The following DNAH14 variants were observed in gnomAD, a reference collection of about 807,000 sequenced individuals.
DNAH14 encodes the protein dynein axonemal heavy chain 14.
A neutral mutation model predicts 520.9 loss-of-function variants in DNAH14; 478 were observed. The ratio of observed to expected loss-of-function variants is 0.92; its 90% CI spans 0.85 to 0.99. The LOEUF is 0.99. Among genes scored for constraint, DNAH14 ranks in the 50% least tolerant of loss-of-function variants. The pLI is 0.00. For missense variants in DNAH14, 4,831 were observed against 5,234.5 expected (o/e 0.92, Z 2.38); for synonymous variants, 1,581 against 1,757.2 (o/e 0.90, Z 2.51).
chr1:225,380,805 A>C (rs1002508020), intron 80 of DNAH14, among the ~76,000 whole-genome samples: 1 of 152,168 alleles, frequency 6.6e-6, no homozygotes, highest in African/African-American at 2.4e-5. Context: ...AGACTATGAT[A>C]ATTTTCCCAG....
chr1:224,986,675 C>T (rs1412129469), intron 8 of DNAH14, among the ~76,000 whole-genome samples: 4 of 152,058 alleles, frequency 2.6e-5, no homozygotes, highest in Non-Finnish European at 4.4e-5. Flanking sequence ...TGGAACATAC[C>T]TCAACATAAT....
Position 225,392,432 on chromosome 1 carries a change from T to G in DNAH14, c.13472T>G (p.Ile4491Arg). The G allele has an allele frequency of 1.3e-6, 2 of 1,551,846 alleles. No homozygotes were observed. Among genetic ancestry groups the G allele is most frequent in the Non-Finnish European group, 1.7e-6 (2 of 1,147,034 alleles). The change falls in exon 84 of 86, where the codon ATA (isoleucine) becomes AGA (arginine). Residue 4491 changes from isoleucine to arginine, a missense_variant. By Grantham distance (97) the Ile-to-Arg change is moderately conservative. Transcript: ENST00000682510. ...FSVFMPKKLN[I>R]VRRAFKGSAS... ...GTATTTATGCCAAAGAAACTCAACA[T>G]AGTCAGGAGAGCGTTTAAGGTACTG...
Position 225,079,373 on chromosome 1 carries a change from A to G in DNAH14, c.2591A>G (p.His864Arg), listed in dbSNP as rs1255983919. 3 of 1,550,824 alleles carry G rather than the reference A, an allele frequency of 1.9e-6. No homozygotes were observed. The highest frequency in any genetic ancestry group is 2.4e-5 in the East Asian group (1 of 40,838). Residue 864 changes from histidine to arginine, a missense_variant, in exon 18 of 86, where the codon CAT becomes CGT. His to Arg is a conservative substitution (Grantham distance 29). Transcript: ENST00000682510. ...TCTGTTGCAAAGCATCACCAGATCC[A>G]TATTTCAGAAGAGCAAATTGCCATA... ...LYSVAKHHQI[H>R]ISEEQIAIFQ... is the part of the protein sequence containing the mutation.
chr1:225,310,050 T>TA (rs1337178088), intron 60 of DNAH14, among the ~76,000 whole-genome samples: 1 of 150,338 alleles, frequency 6.7e-6, no homozygotes, highest in East Asian at 1.9e-4. Context: ...TAAATAAAAA[T>TA]AAAAAAAGAA....
chr1:225,288,381 G>A (rs1048221399), intron 54 of DNAH14, among the ~76,000 whole-genome samples: 2 of 152,064 alleles, frequency 1.3e-5, no homozygotes, highest in Non-Finnish European at 2.9e-5. Flanking sequence ...AAGGAGATTT[G>A]GCTGCTAAAT....
intron 21 of DNAH14, among the ~76,000 whole-genome samples, chr1:225,091,311 A>C (rs1246027124): frequency 6.6e-6 from 1 of 152,124 alleles, no homozygotes; most frequent in Non-Finnish European, 1.5e-5. Context: ...AGTTGGAAAA[A>C]AGGAAAAATA....
rs1435250735 is a variant in DNAH14 at position 224,977,652 on chromosome 1, C to G, written c.830+3499C>G. ...TAAATAGGTACAGCTTTTTGCGTGT[C>G]AATCATACTTCAATTAAATGGTTTT... On this transcript the variant is annotated intron_variant, in intron 8 of 85. Transcript: ENST00000682510. 3.9e-5 allele frequency among the ~76,000 whole-genome samples: 6 copies of G among 152,044 alleles called. No homozygotes were observed. In the South Asian group the frequency reaches 6.2e-4, roughly 16 times the overall value.
At chr1:225,004,275 A>G (rs949278248) in intron 9 of DNAH14, among the ~76,000 whole-genome samples, 4 of 152,172 alleles carry the variant, frequency 2.6e-5, no homozygotes, top group Non-Finnish European at 5.9e-5. Flanking sequence ...TTGTTATGCT[A>G]ATCATTCTAC....
chr1:224,981,768 G>T (rs554411015), intron 8 of DNAH14, among the ~76,000 whole-genome samples: 1 of 151,712 alleles, frequency 6.6e-6, no homozygotes, highest in African/African-American at 2.4e-5. Context: ...TTGTATTTTT[G>T]GTTGGTTTGT....
intron 84 of DNAH14, 90 bp from the exon 85 acceptor site, chr1:225,398,430 T>A (rs2096055907): frequency 1.4e-6 from 2 of 1,453,596 alleles, no homozygotes; most frequent in Middle Eastern, 2.2e-4. Context: ...GATGAGCCCC[T>A]CTGGATCGGT....
At chr1:225,324,571 T>A (rs1467889315) in intron 63 of DNAH14, among the ~76,000 whole-genome samples, 166 bp from the exon 64 acceptor site, 1 of 152,258 alleles carries the variant, frequency 6.6e-6, no homozygotes, top group Non-Finnish European at 1.5e-5. Flanking sequence ...GTATTTCATT[T>A]TATTGTTTCA....
chr1:225,358,941 T>A (rs563643954), intron 74 of DNAH14, among the ~76,000 whole-genome samples: 2 of 152,322 alleles, frequency 1.3e-5, no homozygotes, highest in South Asian at 4.1e-4. Flanking sequence ...CTGCCATGAT[T>A]GTAAGTTTCC....
intron 69 of DNAH14, among the ~76,000 whole-genome samples, chr1:225,344,189 TTCC>T (rs2150406843): frequency 6.6e-6 from 1 of 152,092 alleles, no homozygotes; most frequent in South Asian, 2.1e-4. Context: ...TACATAATTT[TTCC>T]TCCTCCTTTC....
intron 79 of DNAH14, among the ~76,000 whole-genome samples, chr1:225,378,890 AAAG>A (rs1423951218): frequency 4.7e-5 from 7 of 148,236 alleles, no homozygotes; most frequent in East Asian, 2.0e-4. Flanking sequence ...AAAAAAAAAA[AAAG>A]AAAAGAAAAA....
intron 39 of DNAH14, among the ~76,000 whole-genome samples, chr1:225,205,058 T>C (rs554023786): frequency 1.3e-5 from 2 of 152,286 alleles, no homozygotes; most frequent in East Asian, 3.9e-4. Flanking sequence ...TCAGTGGTTA[T>C]CTATTTTCTG....
At chr1:225,109,297 C>A (rs1202623631) in intron 23 of DNAH14, among the ~76,000 whole-genome samples, 1 of 152,050 alleles carries the variant, frequency 6.6e-6, no homozygotes, top group African/African-American at 2.4e-5. Flanking sequence ...CTGTACATTG[C>A]TTTGAGTAGT....
At chr1:225,263,043 A>G (rs2092990979) in intron 46 of DNAH14, among the ~76,000 whole-genome samples, 1 of 151,890 alleles carries the variant, frequency 6.6e-6, no homozygotes, top group East Asian at 1.9e-4. Context: ...CCTTATGCAA[A>G]TAAAACTAAA....
chr1:224,964,917 C>T (rs1183349648), intron 5 of DNAH14, among the ~76,000 whole-genome samples: 2 of 152,120 alleles, frequency 1.3e-5, no homozygotes, highest in Non-Finnish European at 2.9e-5. Context: ...CTTGAATCTA[C>T]TGTTTGGTTT....
chr1:225,114,651 A>G (rs917265869), intron 23 of DNAH14, among the ~76,000 whole-genome samples: 1 of 152,202 alleles, frequency 6.6e-6, no homozygotes, highest in Non-Finnish European at 1.5e-5. Flanking sequence ...AAGGCTTACC[A>G]AAACTAAAGT....
Sources: gnomAD v4.1 joint callset for allele counts (sites outside exome capture counted in the v4.1 genomes callset) on GRCh38, gnomAD v4.1.1 for gene constraint, MANE v1.5 for transcripts, NCBI Gene and HGNC (gene_info 2026-07-23, HGNC 2026-07-21) for gene names.